Variants in ZNF366 observed in about 807,000 individuals in gnomAD.
The protein encoded by ZNF366 is dendritic cell-specific transcript protein.
ZNF366 carries 20 observed loss-of-function variants against 47.2 expected under a neutral mutation model. The observed-to-expected ratio is 0.42, with a 90% CI of 0.30 to 0.62. The LOEUF is 0.62. Ranked by LOEUF, ZNF366 falls within the 20% of genes least tolerant of loss-of-function variation. The probability of loss-of-function intolerance (pLI) is 0.16; values close to 1 mark genes in which losing one functional copy is unlikely to be tolerated. For synonymous variants in ZNF366, 421 were observed against 395.1 expected (o/e 1.07, Z -0.78); for missense variants, 987 against 976.3 (o/e 1.01, Z -0.15).
chr5:72,497,669 A>C (rs1249374519), intron 1 of ZNF366, among the ~76,000 whole-genome samples: 1 of 152,166 alleles, frequency 6.6e-6, no homozygotes. Flanking sequence ...AGTCAATGTT[A>C]CATTTTGATA....
At chr5:72,495,198 C>T (rs910853099) in intron 1 of ZNF366, among the ~76,000 whole-genome samples, 1 of 152,172 alleles carries the variant, frequency 6.6e-6, no homozygotes, top group Non-Finnish European at 1.5e-5. Flanking sequence ...TTAACTTACA[C>T]GCCTTTCTTT....
chr5:72,444,786 G>C (rs1742928058), intron 4 of ZNF366, among the ~76,000 whole-genome samples: 1 of 152,138 alleles, frequency 6.6e-6, no homozygotes, highest in Admixed American at 6.5e-5. Context: ...ATATATGTAA[G>C]TATGTGTGTG....
chr5:72,461,684 A>T (rs1743317003), intron 1 of ZNF366, among the ~76,000 whole-genome samples, 174 bp from the exon 2 acceptor site: 2 of 152,102 alleles, frequency 1.3e-5, no homozygotes, highest in Non-Finnish European at 2.9e-5. Context: ...CTCCTTGCAA[A>T]CCCAGTTATC....
intron 1 of ZNF366, among the ~76,000 whole-genome samples, chr5:72,482,397 C>T (rs2112344827): frequency 6.6e-6 from 1 of 152,208 alleles, no homozygotes; most frequent in East Asian, 1.9e-4. Flanking sequence ...CAGTATCAGA[C>T]TATTCTGACA....
intron 1 of ZNF366, among the ~76,000 whole-genome samples, chr5:72,502,299 C>A (rs1157458626): frequency 2.0e-5 from 3 of 152,110 alleles, no homozygotes; most frequent in Non-Finnish European, 4.4e-5. Context: ...TATGTAAATA[C>A]CATTGTTTTA....
chr5:72,450,644 C>A (rs954005506), intron 3 of ZNF366, among the ~76,000 whole-genome samples: 5 of 152,166 alleles, frequency 3.3e-5, no homozygotes, highest in Non-Finnish European at 7.4e-5. Flanking sequence ...AGCCAATTAA[C>A]ACAGGACCTG....
intron 1 of ZNF366, among the ~76,000 whole-genome samples, chr5:72,467,555 C>T (rs527488997): frequency 2.0e-4 from 31 of 152,240 alleles, no homozygotes; most frequent in African/African-American, 7.0e-4. Context: ...TTTTGTGGTT[C>T]GCATTCAAAT....
intron 1 of ZNF366, among the ~76,000 whole-genome samples, chr5:72,476,829 A>G: frequency 6.6e-6 from 1 of 152,164 alleles, no homozygotes; most frequent in Admixed American, 6.5e-5. Context: ...TACGGCTACC[A>G]CCATAGGGAT....
At chr5:72,467,300 C>T (rs1381567055) in intron 1 of ZNF366, among the ~76,000 whole-genome samples, 4 of 152,160 alleles carry the variant, frequency 2.6e-5, no homozygotes, top group Non-Finnish European at 5.9e-5. Context: ...GCTCAGATAG[C>T]TTCCTTAACT....
At chr5:72,468,725 G>T (rs973640143) in intron 1 of ZNF366, among the ~76,000 whole-genome samples, 5 of 152,104 alleles carry the variant, frequency 3.3e-5, no homozygotes, top group Non-Finnish European at 7.4e-5. Context: ...GAATACCTAG[G>T]CCTAGTTTTT....
At chr5:72,481,802 G>A (rs368441206) in intron 1 of ZNF366, among the ~76,000 whole-genome samples, 1 of 152,156 alleles carries the variant, frequency 6.6e-6, no homozygotes, top group Non-Finnish European at 1.5e-5. Context: ...CTTACACTGA[G>A]ATAACTCCCA....
intron 4 of ZNF366, among the ~76,000 whole-genome samples, chr5:72,445,873 A>AT (rs1402177954): frequency 1.3e-5 from 2 of 152,118 alleles, no homozygotes; most frequent in South Asian, 2.1e-4. Context: ...TTTAACTACA[A>AT]TTTTTTTCAG....
chr5:72,448,609 C>T (rs1743004297), intron 3 of ZNF366, among the ~76,000 whole-genome samples: 1 of 152,160 alleles, frequency 6.6e-6, no homozygotes, highest in African/African-American at 2.4e-5. Flanking sequence ...GGAGCTGGGG[C>T]TGCACTATGT....
chr5:72,467,000 G>A (rs549131363), intron 1 of ZNF366, among the ~76,000 whole-genome samples: 1 of 152,302 alleles, frequency 6.6e-6, no homozygotes, highest in Admixed American at 6.5e-5. Context: ...GTCATGGGTA[G>A]AAAGAAAGAC....
intron 1 of ZNF366, among the ~76,000 whole-genome samples, chr5:72,503,683 C>T (rs1744261269): frequency 6.6e-6 from 1 of 152,200 alleles, no homozygotes; most frequent in South Asian, 2.1e-4. Context: ...ATGAGAACAG[C>T]AGTGTTCTGA....
At chr5:72,465,493 C>T (rs58281877) in intron 1 of ZNF366, among the ~76,000 whole-genome samples, 3,037 of 152,184 alleles carry the variant, frequency 0.02, 103 homozygotes, top group African/African-American at 0.07. Context: ...CATAGAAAAC[C>T]TCAATGTGTA....
intron 1 of ZNF366, among the ~76,000 whole-genome samples, chr5:72,461,940 C>G (rs530508931): frequency 1.3e-5 from 2 of 152,356 alleles, no homozygotes; most frequent in African/African-American, 4.8e-5. Context: ...TAGACCCATT[C>G]TGCTGCAGCT....
intron 1 of ZNF366, among the ~76,000 whole-genome samples, chr5:72,494,605 ATT>A (rs57920640): frequency 1.8e-3 from 250 of 137,132 alleles, no homozygotes; most frequent in Admixed American, 1.8e-3. Flanking sequence ...GCTGTCAGAG[ATT>A]TTTTTTTTTT....
intron 1 of ZNF366, among the ~76,000 whole-genome samples, chr5:72,485,911 G>C (rs1288440844): frequency 6.6e-6 from 1 of 152,024 alleles, no homozygotes; most frequent in African/African-American, 2.4e-5. Flanking sequence ...TGTTCTTTCT[G>C]CCTGGACAGC....
Sources: gnomAD v4.1 joint callset for allele counts (sites outside exome capture counted in the v4.1 genomes callset) on GRCh38, gnomAD v4.1.1 for gene constraint, MANE v1.5 for transcripts, NCBI Gene and HGNC (gene_info 2026-07-23, HGNC 2026-07-21) for gene names.